Variants in RALYL observed in about 807,000 individuals in gnomAD.
The protein encoded by RALYL is RNA-binding Raly-like protein.
RALYL carries 29 observed loss-of-function variants against 35.1 expected under a neutral mutation model. The ratio of observed to expected loss-of-function variants is 0.83; its 90% CI spans 0.61 to 1.13. The LOEUF (loss-of-function observed/expected upper bound fraction) is 1.13, where lower values mean the gene tolerates loss of function less well. RALYL is among the 50% of genes most tolerant of loss of function. The pLI, the probability that RALYL is intolerant of heterozygous loss-of-function variation, is 0.00. For synonymous variants in RALYL, 120 were observed against 127.6 expected, an observed-to-expected ratio of 0.94 and a Z score of 0.40; for missense variants, 359 against 360.4, an observed-to-expected ratio of 1.00 and a Z score of 0.03.
intron 1 of RALYL, among the ~76,000 whole-genome samples, chr8:84,233,941 G>A (rs1825918803): frequency 6.6e-6 from 1 of 152,024 alleles, no homozygotes; most frequent in South Asian, 2.1e-4. Context: ...ACTTGTAGAT[G>A]GCCAACTATT....
At chr8:84,843,858 G>A (rs560591526) in intron 4 of RALYL, among the ~76,000 whole-genome samples, 1 of 152,274 alleles carries the variant, frequency 6.6e-6, no homozygotes, top group South Asian at 2.1e-4. Context: ...ACAAAAACAA[G>A]CAATGGGGAA....
chr8:84,662,298 C>T (rs1831092113), intron 2 of RALYL, among the ~76,000 whole-genome samples: 1 of 152,070 alleles, frequency 6.6e-6, no homozygotes, highest in South Asian at 2.1e-4. Flanking sequence ...TGCACTCTAC[C>T]ACACATTCAC....
At chr8:84,840,870 C>A (rs932406669) in intron 4 of RALYL, among the ~76,000 whole-genome samples, 5 of 152,094 alleles carry the variant, frequency 3.3e-5, no homozygotes, top group African/African-American at 1.2e-4. Flanking sequence ...CCAAACTAAG[C>A]TTCATAAGTG....
At chr8:84,251,871 G>A (rs1025014592) in intron 1 of RALYL, among the ~76,000 whole-genome samples, 1 of 151,458 alleles carries the variant, frequency 6.6e-6, no homozygotes, top group Non-Finnish European at 1.5e-5. Context: ...AATGATTGGG[G>A]GGAAGTTTTA....
chr8:84,419,038 A>G (rs2045098388), intron 1 of RALYL, among the ~76,000 whole-genome samples: 1 of 152,102 alleles, frequency 6.6e-6, no homozygotes. Flanking sequence ...CTTGTTGCAG[A>G]TATGATTTCT....
chr8:84,557,396 G>A (rs1223841070), intron 2 of RALYL, among the ~76,000 whole-genome samples: 3 of 152,164 alleles, frequency 2.0e-5, no homozygotes, highest in Non-Finnish European at 4.4e-5. Context: ...AGCAGTTACT[G>A]GGTGGAAAGG....
At chr8:84,220,036 A>G (rs10099886) in intron 1 of RALYL, among the ~76,000 whole-genome samples, 46,187 of 151,790 alleles carry the variant, frequency 0.3, 7,192 homozygotes, top group Non-Finnish European at 0.34. Context: ...AGTCATGTCA[A>G]TGAATGTTCT....
At chr8:84,520,234 T>A (rs898989901) in intron 1 of RALYL, among the ~76,000 whole-genome samples, 8 of 152,246 alleles carry the variant, frequency 5.3e-5, no homozygotes, top group Non-Finnish European at 8.8e-5. Context: ...TTGCGGTCAG[T>A]GTATTTAGAC....
intron 2 of RALYL, among the ~76,000 whole-genome samples, chr8:84,692,497 G>C (rs768232897): frequency 1.3e-5 from 2 of 151,958 alleles, no homozygotes; most frequent in Non-Finnish European, 2.9e-5. Context: ...CCACTACCCT[G>C]AAACCTGCAA....
At position 84,837,560 on chromosome 8, in the gene RALYL, G is replaced by A. The variant is rs185061639; in HGVS notation, c.366-12420G>A. Among the ~76,000 whole-genome samples the A allele has an allele frequency of 9.2e-5, 14 of 152,166 alleles. No homozygotes were observed. The South Asian group carries it at 1.0e-3, about 11-fold the overall frequency. ...AAAGGGATTAGATAAAATTGATTAC[G>A]TATATTGTAAAACCCAATGAGTTGT... On this transcript the variant is annotated intron_variant, in intron 4 of 8. Coordinates refer to ENST00000521268, the MANE Select transcript of RALYL (RefSeq NM_173848.7).
intron 3 of RALYL, among the ~76,000 whole-genome samples, chr8:84,785,605 C>A (rs555855421): frequency 6.6e-6 from 1 of 152,042 alleles, no homozygotes; most frequent in Non-Finnish European, 1.5e-5. Flanking sequence ...TGAAGTATAT[C>A]TAAGGAGATA....
chr8:84,735,549 T>A (rs865805948), intron 2 of RALYL, among the ~76,000 whole-genome samples: 50 of 151,938 alleles, frequency 3.3e-4, no homozygotes, highest in Non-Finnish European at 2.8e-4. Flanking sequence ...ATGTATTGAG[T>A]CTCAATTACT....
rs1587656659 is a variant in RALYL at position 84,478,922 on chromosome 8, T to TAAAAAAAAAAAAAAA, written c.-23-50372_-23-50371insAAAAAAAAAAAAAAA. Among the ~76,000 whole-genome samples, 162 of 85,182 alleles carry TAAAAAAAAAAAAAAA rather than the reference T, an allele frequency of 1.9e-3. 5 individuals are homozygous for TAAAAAAAAAAAAAAA. The highest frequency in any genetic ancestry group is 2.5e-3 in the East Asian group (6 of 2,354). 55.9% of individuals were successfully genotyped at this position (85,182 alleles called of 152,430 possible). On this transcript the variant is annotated intron_variant, in intron 1 of 8. Coordinates refer to ENST00000521268, the MANE Select transcript of RALYL (RefSeq NM_173848.7). ...TAACACCGTGAAACCCCGTCTCTACTAAAAATACAAAACATTAGCCGGGCA... is the reference window on the plus strand; with the variant it reads ...TAACACCGTGAAACCCCGTCTCTACTAAAAAAAAAAAAAAAAAAAATACAAAACATTAGCCGGGCA...
intron 2 of RALYL, among the ~76,000 whole-genome samples, chr8:84,550,114 C>T (rs1448073880): frequency 6.6e-6 from 1 of 152,034 alleles, no homozygotes; most frequent in African/African-American, 2.4e-5. Context: ...CCTTCATTTC[C>T]ATGTTTCTTT....
intron 2 of RALYL, among the ~76,000 whole-genome samples, chr8:84,663,891 G>A (rs975168972): frequency 2.6e-5 from 4 of 151,890 alleles, no homozygotes; most frequent in Non-Finnish European, 2.9e-5. Flanking sequence ...AATCTTTGCT[G>A]TGCCTATGTC....
At chr8:84,637,949 G>T (rs1435888705) in intron 2 of RALYL, among the ~76,000 whole-genome samples, 1 of 151,816 alleles carries the variant, frequency 6.6e-6, no homozygotes, top group Non-Finnish European at 1.5e-5. Context: ...TTAAAAGCTA[G>T]AACAAATAGA....
At chr8:84,647,301 T>C (rs1827699028) in intron 2 of RALYL, among the ~76,000 whole-genome samples, 1 of 152,084 alleles carries the variant, frequency 6.6e-6, no homozygotes, top group Non-Finnish European at 1.5e-5. Flanking sequence ...TAAGCATCTC[T>C]GGCATGTTTG....
intron 1 of RALYL, among the ~76,000 whole-genome samples, chr8:84,441,853 C>CAT (rs2048364702): frequency 6.6e-6 from 1 of 152,036 alleles, no homozygotes; most frequent in Non-Finnish European, 1.5e-5. Flanking sequence ...CATGGCAATT[C>CAT]ATATCTCAGG....
intron 1 of RALYL, among the ~76,000 whole-genome samples, chr8:84,452,649 C>A (rs546952627): frequency 1.3e-5 from 2 of 152,046 alleles, no homozygotes; most frequent in South Asian, 4.2e-4. Flanking sequence ...TCTCAGAGAG[C>A]TGAAATTTTT....
Sources: gnomAD v4.1 joint callset for allele counts (sites outside exome capture counted in the v4.1 genomes callset) on GRCh38, gnomAD v4.1.1 for gene constraint, MANE v1.5 for transcripts, NCBI Gene and HGNC (gene_info 2026-07-23, HGNC 2026-07-21) for gene names.